The following TLL1 variants were observed in gnomAD, a reference collection of about 807,000 sequenced individuals.
TLL1 encodes the protein tolloid-like protein 1.
Under a neutral mutation model 128.2 loss-of-function variants are expected in TLL1, and 49 were observed. The observed-to-expected ratio is 0.38, with a 90% CI of 0.30 to 0.48. The LOEUF is 0.48. TLL1 is among the 20% of genes least tolerant of loss of function. The pLI is 0.96. For synonymous variants in TLL1, 454 were observed against 418.8 expected (o/e 1.08, Z -1.03); for missense variants, 1,123 against 1,242.0 (o/e 0.90, Z 1.44).
At chr4:165,885,706 C>G (rs535447120) in intron 1 of TLL1, among the ~76,000 whole-genome samples, 2 of 152,142 alleles carry the variant, frequency 1.3e-5, no homozygotes, top group South Asian at 4.2e-4. Context: ...GAAGGTTGTT[C>G]AGTCGGATGT....
Position 165,873,997 on chromosome 4 carries a change from C to A in TLL1, c.93C>A (p.Leu31=), listed in dbSNP as rs114412546. 2,452 of 1,614,062 alleles carry A rather than the reference C, an allele frequency of 1.5e-3. 34 individuals carry two copies. In the African/African-American group the frequency reaches 0.028, roughly 19 times the overall value. ...GGGAGCTATGGGTCTGCGCTGGCCT[C>A]GATTATGATTACACTTTTGATGGGA... The part of the protein sequence containing the change: ...FYGELWVCAG[L]DYDYTFDGNE... The change falls in exon 1 of 21, where the codon CTC becomes CTA. Residue 31 remains leucine (L), a synonymous_variant. Transcript: ENST00000061240.
At chr4:165,999,112 GT>G (rs1362148708) in intron 5 of TLL1, among the ~76,000 whole-genome samples, 1 of 152,056 alleles carries the variant, frequency 6.6e-6, no homozygotes, top group Non-Finnish European at 1.5e-5. Flanking sequence ...TCTCTAGGAA[GT>G]TCTAAACTTT....
chr4:165,979,785 A>G (rs759791352), intron 1 of TLL1, among the ~76,000 whole-genome samples: 1 of 152,128 alleles, frequency 6.6e-6, no homozygotes, highest in Non-Finnish European at 1.5e-5. Flanking sequence ...GCAAAACCCC[A>G]TCTCTACATA....
At chr4:166,016,252 G>T (rs1242113342) in intron 8 of TLL1, among the ~76,000 whole-genome samples, 1 of 151,956 alleles carries the variant, frequency 6.6e-6, no homozygotes, top group Non-Finnish European at 1.5e-5. Flanking sequence ...TATGAAAAAA[G>T]ATATGGGTGA....
chr4:166,025,225 A>C, intron 8 of TLL1, 91 bp from the exon 9 acceptor site: 71 of 889,824 alleles, frequency 8.0e-5, no homozygotes, highest in Non-Finnish European at 1.2e-4. Flanking sequence ...AGTCTTGTCT[A>C]CTACCAAAAA....
intron 1 of TLL1, among the ~76,000 whole-genome samples, chr4:165,973,412 AC>A (rs1167228080): frequency 6.6e-6 from 1 of 151,918 alleles, no homozygotes; most frequent in African/African-American, 2.4e-5. Context: ...TTCATGTTCT[AC>A]CTTTGGAATC....
At chr4:166,048,478 T>C (rs1197775986) in intron 12 of TLL1, among the ~76,000 whole-genome samples, 2 of 152,186 alleles carry the variant, frequency 1.3e-5, no homozygotes. Flanking sequence ...CTGGTAGTTA[T>C]TGGATACATT....
chr4:166,003,947 T>C (rs74476729), intron 6 of TLL1, among the ~76,000 whole-genome samples: 2,050 of 152,180 alleles, frequency 0.013, 44 homozygotes, highest in African/African-American at 0.047. Flanking sequence ...TAAAAAGGCC[T>C]GGGGTTTGCC....
chr4:166,017,938 A>G (rs546984617), intron 8 of TLL1, among the ~76,000 whole-genome samples: 41 of 152,300 alleles, frequency 2.7e-4, no homozygotes, highest in African/African-American at 9.1e-4. Flanking sequence ...CTGATGCAGT[A>G]GGTTTACCAA....
intron 2 of TLL1, among the ~76,000 whole-genome samples, chr4:165,990,594 T>G (rs1736592125): frequency 6.6e-6 from 1 of 151,988 alleles, no homozygotes; most frequent in Non-Finnish European, 1.5e-5. Context: ...AATGTGTGTG[T>G]GTGTTGTGTG....
At chr4:165,986,584 C>T (rs1464947361) in intron 1 of TLL1, among the ~76,000 whole-genome samples, 1 of 152,040 alleles carries the variant, frequency 6.6e-6, no homozygotes. Flanking sequence ...GTATTCATCA[C>T]TACCAAACTA....
In TLL1 at chr4:166,060,064, C is replaced by A. The variant is rs532472535; in HGVS notation, c.1883C>A (p.Thr628Asn). The A allele has an allele frequency of 1.9e-6, 3 of 1,613,680 alleles. No individual in the cohort carries two copies. The highest frequency in any genetic ancestry group is 1.3e-5 in the African/African-American group (1 of 74,954). ...GGACTTCTTACCAAACTTAACGGCA[C>A]CATAACCACCCCTGGCTGGCCCAAG... Reference protein sequence around the residue: ...CGGLLTKLNGTITTPGWPKEY... With the variant: ...CGGLLTKLNGNITTPGWPKEY... Residue 628 changes from threonine to asparagine, a missense_variant, in exon 15 of 21, where the codon ACC (threonine) becomes AAC (asparagine). Thr to Asn is a moderately conservative substitution (Grantham distance 65). This residue lies in a region of TLL1 where 634 missense variants were observed against 672.4 expected (regional missense o/e 0.94). Coordinates refer to ENST00000061240, the MANE Select transcript of TLL1 (RefSeq NM_012464.5).
intron 8 of TLL1, 121 bp from the exon 9 acceptor site, chr4:166,025,195 T>A: frequency 2.8e-6 from 2 of 701,866 alleles, no homozygotes; most frequent in Non-Finnish European, 5.0e-6. Flanking sequence ...GGAAACGTCT[T>A]CTATAAAAGA....
chr4:166,036,643 A>G (rs576061894), intron 9 of TLL1, among the ~76,000 whole-genome samples: 153 of 152,238 alleles, frequency 1.0e-3, no homozygotes, highest in Admixed American at 1.8e-3. Flanking sequence ...TAGAAAACCT[A>G]TCTTTATTAC....
intron 20 of TLL1, among the ~76,000 whole-genome samples, chr4:166,100,066 C>T (rs185804838): frequency 3.3e-5 from 5 of 152,212 alleles, no homozygotes; most frequent in East Asian, 1.9e-4. Context: ...GGTCAGAAGA[C>T]GTCACCATGA....
chr4:165,935,838 A>G (rs1733736483), intron 1 of TLL1, among the ~76,000 whole-genome samples: 1 of 152,104 alleles, frequency 6.6e-6, no homozygotes, highest in South Asian at 2.1e-4. Context: ...GTACCCTTTA[A>G]CTAGTATAAT....
intron 12 of TLL1, among the ~76,000 whole-genome samples, chr4:166,050,571 TATAA>T (rs1474632064): frequency 6.6e-6 from 1 of 152,196 alleles, no homozygotes; most frequent in East Asian, 1.9e-4. Flanking sequence ...CAGAGATTTT[TATAA>T]ATAACTAGAT....
rs746071763 is a variant in TLL1, at chr4:166,014,418, G to T, written c.918-18G>T. Reference sequence around the variant, plus strand: ...TCATTTGGTGACTTAGGTGTGGTTTGCTTCTGCTTTTTTTCAGGGGGATGT... The same window carrying T: ...TCATTTGGTGACTTAGGTGTGGTTTTCTTCTGCTTTTTTTCAGGGGGATGT... On this transcript the variant is annotated intron_variant, in intron 7 of 20. Transcript: ENST00000061240. The T allele has an allele frequency of 5.0e-6, 8 of 1,611,616 alleles. No individual in the cohort carries two copies. The Admixed American group carries it at 1.0e-4, about 20-fold the overall frequency.
Position 166,065,683 on chromosome 4 carries a change from G to A in TLL1, c.2008G>A (p.Val670Ile). ...FEFFELEGNEVCKYDYVEIWS... is the reference protein window; with the variant it reads ...FEFFELEGNEICKYDYVEIWS... ...AACTGATAACCACATTTTTTTCTAG[G>A]TTTGCAAATATGATTATGTGGAGAT... The change falls in exon 16 of 21, where the codon GTT (valine) becomes ATT (isoleucine). Residue 670 changes from valine (V) to isoleucine (I), a missense_variant and splice_region_variant. By Grantham distance (29) the Val-to-Ile change is conservative. This residue lies in a region of TLL1 where 634 missense variants were observed against 672.4 expected (regional missense o/e 0.94). Transcript: ENST00000061240. 3 of 1,612,554 alleles carry A rather than the reference G, an allele frequency of 1.9e-6. No individual in the cohort carries two copies. The highest frequency in any genetic ancestry group is 1.7e-5 in the Admixed American group (1 of 59,850).
Sources: allele counts gnomAD v4.1 joint callset (sites outside exome capture counted in the v4.1 genomes callset), GRCh38; gene constraint gnomAD v4.1.1; regional missense constraint gnomAD v4.1.1; transcripts MANE v1.5; gene names NCBI Gene and HGNC (gene_info 2026-07-23, HGNC 2026-07-21).